Variants in SPATA24 observed in about 807,000 individuals in gnomAD.
SPATA24 encodes spermatogenesis-associated protein 24.
Under a neutral mutation model 28.9 loss-of-function variants are expected in SPATA24, and 21 were observed. The observed-to-expected ratio is 0.73, with a 90% CI of 0.52 to 1.05. The LOEUF is 1.05. Ranked by LOEUF, SPATA24 falls within the 50% of genes least tolerant of loss-of-function variation. The pLI, the probability that SPATA24 is intolerant of heterozygous loss-of-function variation, is 0.00. For missense variants in SPATA24, 215 were observed against 242.9 expected, an observed-to-expected ratio of 0.88 and a Z score of 0.76; for synonymous variants, 76 against 89.9, an observed-to-expected ratio of 0.85 and a Z score of 0.88.
chr5:139,395,469 G>C (rs746958357), downstream of SPATA24: 63 of 194,614 alleles, frequency 3.2e-4, no homozygotes, highest in Middle Eastern at 3.8e-3. Context: ...GCTGTGTGCA[G>C]TTCAGGCTGT....
At chr5:139,392,939 C>A (rs1318406713), downstream of SPATA24, 1 of 1,516,432 alleles carries the variant, frequency 6.6e-7, no homozygotes, top group Admixed American at 2.2e-5. The surrounding 1 kb of genome is among the most constrained non-coding windows in gnomAD (Gnocchi z 5.8). Context: ...CGCCGCAGGA[C>A]CCCGTTGGGC....
chr5:139,394,870 A>T, downstream of SPATA24: 1 of 1,521,962 alleles, frequency 6.6e-7, no homozygotes, highest in African/African-American at 1.4e-5. Context: ...GCTGACGGAC[A>T]GGCGAGGCTG....
chr5:139,396,976 G>A (rs1374137921), intron 5 of SPATA24, 47 bp from the exon 6 acceptor site: 3 of 1,551,564 alleles, frequency 1.9e-6, no homozygotes, highest in Non-Finnish European at 2.6e-6. Flanking sequence ...CCAAGGGTAG[G>A]TAGGGGCCAG....
downstream of SPATA24, chr5:139,394,569 T>C: frequency 1.3e-6 from 2 of 1,524,312 alleles, no homozygotes; most frequent in Admixed American, 2.0e-5. Context: ...GCCGCAGCTC[T>C]AGGTAGGTGG....
At chr5:139,394,375 G>C (rs781443696), downstream of SPATA24, 29 of 1,409,228 alleles carry the variant, frequency 2.1e-5, no homozygotes, top group African/African-American at 3.7e-4. Flanking sequence ...CTCGTCCAGG[G>C]AACCGGTGCG....
At chr5:139,394,948 T>G (rs1267371056), downstream of SPATA24, 1 of 1,520,612 alleles carries the variant, frequency 6.6e-7, no homozygotes, top group African/African-American at 1.4e-5. Flanking sequence ...CGGCCCAACG[T>G]CCGGGGGCTC....
downstream of SPATA24, chr5:139,393,389 G>A (rs980029928): frequency 3.2e-6 from 5 of 1,551,662 alleles, no homozygotes; most frequent in Admixed American, 7.8e-5. Flanking sequence ...CGCGTGGATG[G>A]ACTCTGCATC....
downstream of SPATA24, chr5:139,393,240 C>A (rs939652877): frequency 3.2e-6 from 5 of 1,549,028 alleles, no homozygotes; most frequent in African/African-American, 4.1e-5. Context: ...GCGGGCGTCC[C>A]GAGGCCGCCT....
chr5:139,400,642 C>T (rs756031539), intron 4 of SPATA24, among the ~76,000 whole-genome samples: 4 of 151,884 alleles, frequency 2.6e-5, no homozygotes, highest in Non-Finnish European at 5.9e-5. Context: ...TTTAGCATTC[C>T]GGGAAATGAA....
At chr5:139,395,073 G>C (rs1312048932), downstream of SPATA24, 1 of 1,405,224 alleles carries the variant, frequency 7.1e-7, no homozygotes, top group Non-Finnish European at 9.3e-7. Context: ...GGGCGAGCGC[G>C]GTCAGCATGG....
At chr5:139,396,985 A>G (rs2152077890) in intron 5 of SPATA24, 56 bp from the exon 6 acceptor site, 1 of 1,551,614 alleles carries the variant, frequency 6.4e-7, no homozygotes, top group South Asian at 1.2e-5. Flanking sequence ...GGTAGGGGCC[A>G]GAGGTCTGGC....
chr5:139,393,102 G>C (rs1036866614), downstream of SPATA24: 12 of 1,522,550 alleles, frequency 7.9e-6, no homozygotes, highest in African/African-American at 1.4e-4. Context: ...TGGATTCGCC[G>C]CCCTCCTCCC....
chr5:139,394,919 T>G, downstream of SPATA24: 1 of 1,518,692 alleles, frequency 6.6e-7, no homozygotes, highest in Non-Finnish European at 8.8e-7. Context: ...CAGGGCCAAT[T>G]CGCTGGGCCT....
chr5:139,402,700 CAGAG>C lies in SPATA24; in HGVS notation c.118-11_118-8del. ...TTTCGTCCTGGAGAACCATCTGCAACAGAGCCTGGCTGAGGGAGGGCCTGGGGCT... is the reference window on the plus strand; with the variant it reads ...TTTCGTCCTGGAGAACCATCTGCAACCCTGGCTGAGGGAGGGCCTGGGGCT... On this transcript the variant is annotated splice_polypyrimidine_tract_variant and splice_region_variant and intron_variant, in intron 1 of 5. Coordinates refer to ENST00000450845, the MANE Select transcript of SPATA24 (RefSeq NM_194296.2). 1 of 1,551,746 alleles carries C rather than the reference CAGAG, an allele frequency of 6.4e-7. No individual in the cohort carries two copies. The highest frequency in any genetic ancestry group is 2.4e-5 in the East Asian group (1 of 40,920).
At chr5:139,393,884 G>T, downstream of SPATA24, 1 of 1,551,242 alleles carries the variant, frequency 6.4e-7, no homozygotes, top group Non-Finnish European at 8.7e-7. Flanking sequence ...GCCCCATTTG[G>T]AGTCTGCCGT....
At chr5:139,396,451 A>C, downstream of SPATA24, 1 of 1,131,792 alleles carries the variant, frequency 8.8e-7, no homozygotes, top group Non-Finnish European at 1.1e-6. Flanking sequence ...TGACTTCCCA[A>C]ATTCCTTGTG....
chr5:139,393,221 T>G, downstream of SPATA24: 1 of 1,549,326 alleles, frequency 6.5e-7, no homozygotes, highest in Non-Finnish European at 8.7e-7. Context: ...GGCCGCGGAA[T>G]GGCCATGCGC....
At chr5:139,398,439 G>A (rs931862017) in intron 4 of SPATA24, among the ~76,000 whole-genome samples, 11 of 152,024 alleles carry the variant, frequency 7.2e-5, no homozygotes, top group Non-Finnish European at 1.5e-4. Context: ...GCTGGGCATG[G>A]TGTTGGAACA....
intron 4 of SPATA24, among the ~76,000 whole-genome samples, chr5:139,398,751 C>T (rs1384013257): frequency 1.3e-5 from 2 of 151,474 alleles, no homozygotes; most frequent in Non-Finnish European, 1.5e-5. Flanking sequence ...GGGCCAGGCA[C>T]AGTGGCTCAT....
Sources: allele counts gnomAD v4.1 joint callset (sites outside exome capture counted in the v4.1 genomes callset), GRCh38; gene constraint gnomAD v4.1.1; non-coding constraint Gnocchi (gnomAD v3.1); transcripts MANE v1.5; gene names NCBI Gene and HGNC (gene_info 2026-07-23, HGNC 2026-07-21).